The following PRKCE variants were observed in gnomAD, a reference collection of about 807,000 sequenced individuals.
PRKCE encodes protein kinase C epsilon type.
Under a neutral mutation model 85.4 loss-of-function variants are expected in PRKCE, and 16 were observed. That is an observed-to-expected ratio of 0.19 (90% CI 0.13 to 0.28). The LOEUF (loss-of-function observed/expected upper bound fraction) is 0.28, where lower values mean the gene tolerates loss of function less well. PRKCE is among the 10% of genes least tolerant of loss of function. PRKCE has a pLI of 1.00. For synonymous variants in PRKCE, 388 were observed against 371.5 expected, an observed-to-expected ratio of 1.04 and a Z score of -0.51; for missense variants, 573 against 975.2, an observed-to-expected ratio of 0.59 and a Z score of 5.49.
At chr2:45,861,141 T>C (rs181702427) in intron 2 of PRKCE, among the ~76,000 whole-genome samples, 21 of 152,262 alleles carry the variant, frequency 1.4e-4, no homozygotes, top group African/African-American at 5.1e-4. Flanking sequence ...GTTTTCTGGC[T>C]GGGAAAACAG....
At position 45,774,812 on chromosome 2, in the gene PRKCE, G is replaced by T. The variant is rs935526328; in HGVS notation, c.349-68188G>T. ...TCCCAGGGCCAGTGCACCCTTTCCC[G>T]TGTGCCTGGGAGTCTCAGTCCTGCT... On this transcript the variant is annotated intron_variant, in intron 1 of 14. Coordinates refer to ENST00000306156, the MANE Select transcript of PRKCE (RefSeq NM_005400.3). The surrounding 1 kb of genome is among the most constrained non-coding windows in gnomAD (Gnocchi z 4.3). Among the ~76,000 whole-genome samples, 1 of 152,080 alleles carries T rather than the reference G, an allele frequency of 6.6e-6. No individual in the cohort carries two copies. The highest frequency in any genetic ancestry group is 1.5e-5 in the Non-Finnish European group (1 of 68,030).
intron 6 of PRKCE, among the ~76,000 whole-genome samples, chr2:45,994,535 A>T (rs907802523): frequency 6.6e-6 from 1 of 152,190 alleles, no homozygotes; most frequent in Non-Finnish European, 1.5e-5. Flanking sequence ...AGTTGGAATG[A>T]TACAGGGGAT....
At chr2:45,779,522 T>C (rs531176607) in intron 1 of PRKCE, among the ~76,000 whole-genome samples, 1 of 151,980 alleles carries the variant, frequency 6.6e-6, no homozygotes, top group Admixed American at 6.6e-5. Context: ...TCACTGCGAC[T>C]ACTTCCTTGC....
chr2:45,844,929 C>T (rs1691655972), intron 2 of PRKCE, among the ~76,000 whole-genome samples: 1 of 151,946 alleles, frequency 6.6e-6, no homozygotes, highest in Admixed American at 6.6e-5. Flanking sequence ...TTTCACTGGG[C>T]TAAATTCTGA....
In PRKCE at chr2:45,703,024, C is replaced by CAT. The variant is rs1553382472; in HGVS notation, c.348+50576_348+50577insAT. ...GTTTTCTTGAGAAAGCCTTTTTTCCCCCCCCGTCAGGAAGTCAGTCCTTAT... is the reference window on the plus strand; with the variant it reads ...GTTTTCTTGAGAAAGCCTTTTTTCCCATCCCCCGTCAGGAAGTCAGTCCTTAT... On this transcript the variant is annotated intron_variant, in intron 1 of 14. Coordinates refer to ENST00000306156, the MANE Select transcript of PRKCE (RefSeq NM_005400.3). Among the ~76,000 whole-genome samples, 4 of 147,738 alleles carry CAT rather than the reference C, an allele frequency of 2.7e-5. No homozygotes were observed. In the South Asian group the frequency reaches 8.5e-4, roughly 31 times the overall value.
At chr2:46,050,259 T>C (rs2105058007) in intron 10 of PRKCE, among the ~76,000 whole-genome samples, 1 of 152,368 alleles carries the variant, frequency 6.6e-6, no homozygotes, top group East Asian at 1.9e-4. Flanking sequence ...TATGAGCCCT[T>C]TGTGATGGTA....
intron 2 of PRKCE, among the ~76,000 whole-genome samples, chr2:45,947,534 T>C (rs1292822209): frequency 6.6e-6 from 1 of 152,180 alleles, no homozygotes; most frequent in African/African-American, 2.4e-5. Context: ...AATAACAATA[T>C]TAAAATAAAA....
chr2:46,088,803 C>T (rs928161647), intron 11 of PRKCE, among the ~76,000 whole-genome samples: 1 of 152,162 alleles, frequency 6.6e-6, no homozygotes, highest in Non-Finnish European at 1.5e-5. Flanking sequence ...TGAGTACAAT[C>T]ACCAACATTT....
In PRKCE at chr2:45,652,525, A is replaced by G. The variant is rs1289433247; in HGVS notation, c.348+77A>G. 6 of 1,366,856 alleles carry G rather than the reference A, an allele frequency of 4.4e-6. No individual in the cohort carries two copies. The highest frequency in any genetic ancestry group is 4.9e-6 in the Non-Finnish European group (5 of 1,015,892). The allele number at this position is 1,366,856 out of a possible 1,614,324, so 84.7% of individuals were successfully genotyped here. A position where few individuals can be genotyped will look rare whatever the true frequency, so the allele number is the denominator to read the frequency against. ...GGAAAGACTCGCTGGTCTTGATCGT[A>G]GGGCTCCGGGACTTATTGACGACTG... On this transcript the variant is annotated intron_variant, in intron 1 of 14. Coordinates refer to ENST00000306156, the MANE Select transcript of PRKCE (RefSeq NM_005400.3). The surrounding 1 kb of genome is among the most constrained non-coding windows in gnomAD (Gnocchi z 7.7).
intron 2 of PRKCE, among the ~76,000 whole-genome samples, chr2:45,916,346 C>A (rs1401024172): frequency 6.6e-6 from 1 of 150,874 alleles, no homozygotes; most frequent in African/African-American, 2.4e-5. Flanking sequence ...CTCAAGCAAT[C>A]ATCCCATCTC....
intron 2 of PRKCE, among the ~76,000 whole-genome samples, chr2:45,855,531 G>C (rs546601301): frequency 1.3e-5 from 2 of 152,340 alleles, no homozygotes; most frequent in South Asian, 4.1e-4. Context: ...CTCTCGTGTA[G>C]CTGCACATGT....
chr2:45,663,013 T>C (rs1572881679), intron 1 of PRKCE, among the ~76,000 whole-genome samples: 1 of 152,234 alleles, frequency 6.6e-6, no homozygotes, highest in Non-Finnish European at 1.5e-5. Flanking sequence ...GAGCATATAA[T>C]TGACCAGCGT....
intron 1 of PRKCE, among the ~76,000 whole-genome samples, chr2:45,820,455 G>A (rs548196729): frequency 5.1e-4 from 78 of 152,218 alleles, no homozygotes; most frequent in Non-Finnish European, 2.5e-4. Flanking sequence ...CTAAGGAAGG[G>A]CAGAATGAGA....
chr2:46,181,746 T>C (rs768052778), intron 14 of PRKCE, among the ~76,000 whole-genome samples: 5 of 152,200 alleles, frequency 3.3e-5, no homozygotes, highest in Non-Finnish European at 7.3e-5. Flanking sequence ...CCAGAGGGCT[T>C]ACAGATTTTC....
At chr2:45,763,510 C>T (rs1350954087) in intron 1 of PRKCE, among the ~76,000 whole-genome samples, 1 of 152,142 alleles carries the variant, frequency 6.6e-6, no homozygotes, top group Admixed American at 6.5e-5. Flanking sequence ...GCTTTGCTCA[C>T]GTCCCACCCC....
chr2:45,867,730 AGT>A (rs373257213), intron 2 of PRKCE, among the ~76,000 whole-genome samples: 3 of 151,184 alleles, frequency 2.0e-5, no homozygotes, highest in South Asian at 2.1e-4. Flanking sequence ...GTCTTTTTGG[AGT>A]GTGTGTGTGT....
At chr2:45,738,332 A>G (rs1682260490) in intron 1 of PRKCE, among the ~76,000 whole-genome samples, 1 of 152,218 alleles carries the variant, frequency 6.6e-6, no homozygotes, top group Non-Finnish European at 1.5e-5. Flanking sequence ...TTACACCTGT[A>G]GATAAAGTAC....
chr2:45,938,136 A>G (rs1004028504), intron 2 of PRKCE, among the ~76,000 whole-genome samples: 9 of 152,132 alleles, frequency 5.9e-5, no homozygotes, highest in Admixed American at 2.6e-4. Flanking sequence ...AGAATTAAAG[A>G]CTGTTCACAC....
rs947700569 is a variant in PRKCE, at chr2:45,805,962, G to C, written c.349-37038G>C. 5.1e-4 allele frequency among the ~76,000 whole-genome samples: 78 copies of C among 152,286 alleles called. 1 individual carries two copies. Among genetic ancestry groups the C allele is most frequent in the Admixed American group, 3.2e-3 (49 of 15,296 alleles). ...TACACAGAAAGAAATGACCTTCAGA[G>C]AGGTCAAGGAGCTTGCCCAAGGTCT... On this transcript the variant is annotated intron_variant, in intron 1 of 14. Coordinates refer to ENST00000306156, the MANE Select transcript of PRKCE (RefSeq NM_005400.3).
Sources: allele counts gnomAD v4.1 joint callset (sites outside exome capture counted in the v4.1 genomes callset), GRCh38; gene constraint gnomAD v4.1.1; non-coding constraint Gnocchi (gnomAD v3.1); transcripts MANE v1.5; gene names NCBI Gene and HGNC (gene_info 2026-07-23, HGNC 2026-07-21).